Variants in GALNT13 observed in about 807,000 individuals in gnomAD.
The protein encoded by GALNT13 is polypeptide N-acetylgalactosaminyltransferase 13.
GALNT13 carries 28 observed loss-of-function variants against 64.2 expected under a neutral mutation model. The ratio of observed to expected loss-of-function variants is 0.44; its 90% CI spans 0.32 to 0.60. The LOEUF is 0.60. Among genes scored for constraint, GALNT13 ranks in the 20% least tolerant of loss-of-function variants. The pLI is 0.05. For synonymous variants in GALNT13, 214 were observed against 224.6 expected, an observed-to-expected ratio of 0.95 and a Z score of 0.42; for missense variants, 577 against 669.8, an observed-to-expected ratio of 0.86 and a Z score of 1.53.
chr2:154,117,777 G>T (rs1160237926), intron 3 of GALNT13, among the ~76,000 whole-genome samples: 1 of 152,156 alleles, frequency 6.6e-6, no homozygotes, highest in Middle Eastern at 3.2e-3. Flanking sequence ...GGGATCAATG[G>T]CAAGCCACAT....
chr2:153,430,238 C>A, the GALNT13 span, among the ~76,000 whole-genome samples: 1 of 151,620 alleles, frequency 6.6e-6, no homozygotes, highest in African/African-American at 2.4e-5. Flanking sequence ...CAAATGGAGG[C>A]ATAATTTTCA....
downstream of GALNT13, among the ~76,000 whole-genome samples, chr2:154,456,300 A>G (rs1265207518): frequency 2.6e-5 from 4 of 152,070 alleles, no homozygotes; most frequent in African/African-American, 9.7e-5. Context: ...AACATTTATA[A>G]AAGTAGATTG....
chr2:153,311,766 A>G, the GALNT13 span, among the ~76,000 whole-genome samples: 1 of 152,178 alleles, frequency 6.6e-6, no homozygotes, highest in East Asian at 1.9e-4. Flanking sequence ...TGTTTTCACA[A>G]TCTAATCTCA....
At chr2:154,274,288 G>T (rs1333754882) in intron 8 of GALNT13, among the ~76,000 whole-genome samples, 1 of 152,162 alleles carries the variant, frequency 6.6e-6, no homozygotes, top group African/African-American at 2.4e-5. Context: ...AACGATTGCT[G>T]TGGTCTAAGA....
chr2:153,275,472 C>T, the GALNT13 span, among the ~76,000 whole-genome samples: 2 of 152,112 alleles, frequency 1.3e-5, no homozygotes, highest in African/African-American at 4.8e-5. Context: ...CTGCCTTTCA[C>T]CATGAGAGGA....
At chr2:154,377,942 C>CT (rs1251891136) in intron 9 of GALNT13, among the ~76,000 whole-genome samples, 1 of 152,118 alleles carries the variant, frequency 6.6e-6, no homozygotes, top group Non-Finnish European at 1.5e-5. Context: ...TAGAGGAAAT[C>CT]AAAGCTCAAT....
the GALNT13 span, among the ~76,000 whole-genome samples, chr2:153,583,887 T>C: frequency 7.2e-5 from 11 of 152,110 alleles, no homozygotes; most frequent in African/African-American, 2.7e-4. Flanking sequence ...CAGCTGCTGG[T>C]GCTAGAACCA....
the GALNT13 span, among the ~76,000 whole-genome samples, chr2:153,803,914 A>G: frequency 6.6e-6 from 1 of 152,038 alleles, no homozygotes; most frequent in Non-Finnish European, 1.5e-5. Context: ...TGTTTAAGCC[A>G]TCCAGTCTGC....
chr2:154,096,133 CAAATTG>C (rs1358875146), intron 3 of GALNT13, among the ~76,000 whole-genome samples: 1 of 151,908 alleles, frequency 6.6e-6, no homozygotes, highest in Admixed American at 6.6e-5. Flanking sequence ...TTTACACAAA[CAAATTG>C]AAATTGAATT....
the GALNT13 span, among the ~76,000 whole-genome samples, chr2:153,669,642 A>G: frequency 6.6e-6 from 1 of 152,138 alleles, no homozygotes; most frequent in African/African-American, 2.4e-5. Flanking sequence ...CTGCATTTCC[A>G]ACTGTGGTAT....
the GALNT13 span, among the ~76,000 whole-genome samples, chr2:153,587,386 T>C: frequency 1.1e-4 from 17 of 152,080 alleles, no homozygotes; most frequent in African/African-American, 4.1e-4. Context: ...GATAAAAACA[T>C]ACCTGATATT....
the GALNT13 span, among the ~76,000 whole-genome samples, chr2:153,082,708 TA>T: frequency 7.1e-6 from 1 of 140,566 alleles, no homozygotes; most frequent in African/African-American, 2.6e-5. Context: ...TTAATAAATA[TA>T]AAAATATAAA....
chr2:154,068,815 A>T (rs1700597725), intron 3 of GALNT13, among the ~76,000 whole-genome samples: 1 of 152,072 alleles, frequency 6.6e-6, no homozygotes, highest in South Asian at 2.1e-4. Context: ...TTGATAACAC[A>T]ACAGGGTGAC....
chr2:154,208,386 G>A (rs1687582860), intron 4 of GALNT13, among the ~76,000 whole-genome samples: 1 of 152,108 alleles, frequency 6.6e-6, no homozygotes, highest in Admixed American at 6.5e-5. Flanking sequence ...AAAAATAAAT[G>A]TAAAATCACT....
At chr2:154,043,455 T>TATACACATACAC (rs1341373277) in intron 3 of GALNT13, among the ~76,000 whole-genome samples, 95 of 104,932 alleles carry the variant, frequency 9.1e-4, no homozygotes, top group Non-Finnish European at 1.6e-3. Flanking sequence ...TATATATATA[T>TATACACATACAC]ACACACATGT....
At chr2:154,203,016 C>A (rs562538227) in intron 4 of GALNT13, among the ~76,000 whole-genome samples, 4 of 152,208 alleles carry the variant, frequency 2.6e-5, no homozygotes, top group Admixed American at 6.5e-5. Flanking sequence ...AGATTTTATA[C>A]ACCTGCTAAC....
chr2:153,436,343 A>G, the GALNT13 span, among the ~76,000 whole-genome samples: 4 of 152,286 alleles, frequency 2.6e-5, no homozygotes, highest in East Asian at 7.7e-4. Context: ...CTGGCCTCAT[A>G]AAATGAGTTA....
chr2:153,574,715 CTT>C, the GALNT13 span, among the ~76,000 whole-genome samples: 108 of 141,270 alleles, frequency 7.6e-4, no homozygotes, highest in African/African-American at 2.1e-3. Flanking sequence ...TTATTTCAAT[CTT>C]TTTTTTTTTT....
chr2:154,287,364 A>T, intron 8 of GALNT13: 1 of 540,332 alleles, frequency 1.9e-6, no homozygotes, highest in Non-Finnish European at 3.5e-6. Context: ...CAGCTCTCAT[A>T]CTCTGGGAAC....
Sources: gnomAD v4.1 joint callset for allele counts (sites outside exome capture counted in the v4.1 genomes callset) on GRCh38, gnomAD v4.1.1 for gene constraint, MANE v1.5 for transcripts, NCBI Gene and HGNC (gene_info 2026-07-23, HGNC 2026-07-21) for gene names.